Variants in PRKCA observed in about 807,000 individuals in gnomAD.
PRKCA encodes protein kinase C alpha.
PRKCA carries 27 observed loss-of-function variants against 87.0 expected under a neutral mutation model. The observed-to-expected ratio is 0.31, with a 90% CI of 0.23 to 0.43. The LOEUF (loss-of-function observed/expected upper bound fraction) is 0.43. Ranked by LOEUF, PRKCA falls within the 20% of genes least tolerant of loss-of-function variation. The pLI, the probability that PRKCA is intolerant of heterozygous loss-of-function variation, is 1.00. For missense variants in PRKCA, 518 were observed against 852.3 expected (o/e 0.61, Z 4.88); for synonymous variants, 329 against 311.1 (o/e 1.06, Z -0.61).
rs1402759581 is a variant in PRKCA, at chr17:66,775,583, T to C, written c.1605+1516T>C. On this transcript the variant is annotated intron_variant, in intron 14 of 16. Transcript: ENST00000413366. ...CTTTTTATAATTCCCAGCACTCACA[T>C]GCTAGTGCCAAGACCTGTGACTCTC... The C allele has an allele frequency of 1.8e-5, 18 of 985,428 alleles. No individual in the cohort carries two copies. The East Asian group carries it at 9.1e-4, about 50-fold the overall frequency. 61.0% of individuals were successfully genotyped at this position (985,428 alleles called of 1,614,324 possible). A position where few individuals can be genotyped will look rare whatever the true frequency, so the allele number is the denominator to read the frequency against.
At chr17:66,616,706 CA>C (rs1169362844) in intron 3 of PRKCA, among the ~76,000 whole-genome samples, 4 of 152,190 alleles carry the variant, frequency 2.6e-5, no homozygotes, top group Non-Finnish European at 5.9e-5. Flanking sequence ...GATTTGCTCT[CA>C]GCCATTGTCA....
At chr17:66,542,448 G>C (rs968828430) in intron 3 of PRKCA, among the ~76,000 whole-genome samples, 5 of 152,068 alleles carry the variant, frequency 3.3e-5, no homozygotes, top group African/African-American at 1.2e-4. Flanking sequence ...AGTACCATGG[G>C]GGTGAGAGCA....
At chr17:66,633,277 T>A (rs1356256446) in intron 3 of PRKCA, among the ~76,000 whole-genome samples, 1 of 152,086 alleles carries the variant, frequency 6.6e-6, no homozygotes, top group Non-Finnish European at 1.5e-5. Context: ...ACCAAAAAAA[T>A]TTTAAATAGG....
intron 3 of PRKCA, among the ~76,000 whole-genome samples, chr17:66,632,546 A>G (rs1402675638): frequency 2.0e-5 from 3 of 147,466 alleles, no homozygotes; most frequent in Non-Finnish European, 3.0e-5. Flanking sequence ...CCCCCAGCTA[A>G]TTTTTTTTTT....
intron 3 of PRKCA, among the ~76,000 whole-genome samples, chr17:66,635,659 A>G (rs909775599): frequency 6.6e-5 from 10 of 152,224 alleles, no homozygotes; most frequent in Admixed American, 1.3e-4. Context: ...GTGCTGTTCT[A>G]CTTGAGTTAA....
At chr17:66,757,128 A>G (rs974285062) in intron 13 of PRKCA, among the ~76,000 whole-genome samples, 5 of 151,984 alleles carry the variant, frequency 3.3e-5, no homozygotes, top group African/African-American at 1.2e-4. Context: ...AATGCCTTTG[A>G]TGGGCTCATC....
intron 16 of PRKCA, among the ~76,000 whole-genome samples, chr17:66,791,077 C>T (rs1465302602): frequency 6.6e-6 from 1 of 151,480 alleles, no homozygotes; most frequent in Non-Finnish European, 1.5e-5. Flanking sequence ...ATACATGTGC[C>T]ATGTCGGTGT....
intron 2 of PRKCA, among the ~76,000 whole-genome samples, chr17:66,419,658 G>C (rs1260939193): frequency 6.6e-6 from 1 of 151,902 alleles, no homozygotes. Flanking sequence ...ATTTTTTTTG[G>C]TTCAAAGTTT....
At chr17:66,565,236 C>T (rs1358546138) in intron 3 of PRKCA, among the ~76,000 whole-genome samples, 1 of 152,174 alleles carries the variant, frequency 6.6e-6, no homozygotes, top group Non-Finnish European at 1.5e-5. Context: ...TCCCACTCAG[C>T]CCGCATCCCT....
intron 13 of PRKCA, among the ~76,000 whole-genome samples, chr17:66,765,414 T>TTGTG (rs1183050086): frequency 2.4e-4 from 7 of 29,366 alleles, no homozygotes; most frequent in African/African-American, 8.6e-4. Flanking sequence ...GAGCAAGACT[T>TTGTG]TGTCTATATA....
At chr17:66,544,948 T>C (rs1302896093) in intron 3 of PRKCA, among the ~76,000 whole-genome samples, 2 of 152,216 alleles carry the variant, frequency 1.3e-5, no homozygotes, top group Non-Finnish European at 2.9e-5. Flanking sequence ...GGTTAATAAA[T>C]TACCATTATT....
At chr17:66,412,944 A>G (rs1423544153) in intron 2 of PRKCA, among the ~76,000 whole-genome samples, 1 of 152,064 alleles carries the variant, frequency 6.6e-6, no homozygotes, top group East Asian at 1.9e-4. Context: ...CACTCAACAC[A>G]ACACTTCAGA....
chr17:66,365,421 C>T (rs2143502915), intron 2 of PRKCA, among the ~76,000 whole-genome samples: 1 of 152,238 alleles, frequency 6.6e-6, no homozygotes, highest in South Asian at 2.1e-4. Context: ...GGACTAAGCC[C>T]TTTAGGTACA....
intron 2 of PRKCA, among the ~76,000 whole-genome samples, chr17:66,385,543 TA>T (rs1254794913): frequency 2.0e-5 from 3 of 152,192 alleles, no homozygotes; most frequent in East Asian, 1.9e-4. Context: ...AAACTTGTAA[TA>T]TTTTTTATAA....
At chr17:66,674,881 G>A (rs1972284901) in intron 5 of PRKCA, among the ~76,000 whole-genome samples, 1 of 152,180 alleles carries the variant, frequency 6.6e-6, no homozygotes, top group African/African-American at 2.4e-5. Context: ...GTTCATGCTT[G>A]AGAAATCAGT....
In PRKCA at chr17:66,794,454, CT is replaced by C. The variant is rs113607372; in HGVS notation, c.1854+5487del. The stretch of plus-strand genomic sequence containing the variant: ...AATTATCGAAGCTGGTGCAAGGATC[CT>C]TTTTTTTTTTTAATTTTATTTTGAA... On this transcript the variant is annotated intron_variant, in intron 16 of 16. Coordinates refer to ENST00000413366, the MANE Select transcript of PRKCA (RefSeq NM_002737.3). Among the ~76,000 whole-genome samples the C allele has an allele frequency of 3.9e-3, 554 of 141,334 alleles. 1 individual carries two copies. Among genetic ancestry groups the C allele is most frequent in the African/African-American group, 9.8e-3 (380 of 38,704 alleles). The allele number at this position is 141,334 out of a possible 152,430, so 92.7% of individuals were successfully genotyped here.
At chr17:66,386,448 C>T (rs9891191) in intron 2 of PRKCA, among the ~76,000 whole-genome samples, 33,120 of 152,098 alleles carry the variant, frequency 0.22, 3,756 homozygotes, top group Admixed American at 0.31. Context: ...GCCAGTTCGT[C>T]GACTCTGAGC....
At chr17:66,529,231 CAT>C (rs1404267875) in intron 3 of PRKCA, among the ~76,000 whole-genome samples, 1 of 152,176 alleles carries the variant, frequency 6.6e-6, no homozygotes, top group African/African-American at 2.4e-5. Context: ...CATTCTGTAA[CAT>C]AGACATTATG....
At chr17:66,801,174 G>A (rs557098555) in intron 16 of PRKCA, among the ~76,000 whole-genome samples, 282 of 152,328 alleles carry the variant, frequency 1.9e-3, no homozygotes, top group African/African-American at 6.6e-3. Context: ...CTTCATGTCT[G>A]CCCTCACTCT....
Sources: gnomAD v4.1 joint callset for allele counts (sites outside exome capture counted in the v4.1 genomes callset) on GRCh38, gnomAD v4.1.1 for gene constraint, MANE v1.5 for transcripts, NCBI Gene and HGNC (gene_info 2026-07-23, HGNC 2026-07-21) for gene names.